The following HMCES variants were observed in gnomAD, a reference collection of about 807,000 sequenced individuals.
HMCES encodes 5-hydroxymethylcytosine binding, ES cell specific, also known as abasic site processing protein HMCES.
Under a neutral mutation model 35.1 loss-of-function variants are expected in HMCES, and 27 were observed. The observed-to-expected ratio is 0.77, with a 90% CI of 0.57 to 1.06. The LOEUF is 1.06. Among genes scored for constraint, HMCES ranks in the 50% least tolerant of loss-of-function variants. The pLI, the probability that HMCES is intolerant of heterozygous loss-of-function variation, is 0.00. For missense variants in HMCES, 391 were observed against 430.4 expected (o/e 0.91, Z 0.81); for synonymous variants, 130 against 154.7 (o/e 0.84, Z 1.18).
At chr3:129,304,177 T>C (rs2071206223) in intron 6 of HMCES, among the ~76,000 whole-genome samples, 1 of 152,210 alleles carries the variant, frequency 6.6e-6, no homozygotes, top group African/African-American at 2.4e-5. Flanking sequence ...AAGAAGAGGT[T>C]GTACAGATTG....
rs1243794893 is a variant in HMCES at position 129,303,601 on chromosome 3, G to T, written c.829-988G>T. ...TCCTAAATCTGAAATGTACCAACAAGCATTTCCTTTCAAAGTCATGTAAGC... is the reference window on the plus strand; with the variant it reads ...TCCTAAATCTGAAATGTACCAACAATCATTTCCTTTCAAAGTCATGTAAGC... On this transcript the variant is annotated intron_variant, in intron 6 of 6. Transcript: ENST00000383463. Among the ~76,000 whole-genome samples, 3 of 152,286 alleles carry T rather than the reference G, an allele frequency of 2.0e-5. No homozygotes were observed. The East Asian group carries it at 5.8e-4, about 29-fold the overall frequency.
chr3:129,283,463 C>T (rs1461493069), intron 2 of HMCES, among the ~76,000 whole-genome samples: 1 of 151,598 alleles, frequency 6.6e-6, no homozygotes, highest in Non-Finnish European at 1.5e-5. Flanking sequence ...TCCCCAGCAG[C>T]TGGGATCACA....
At chr3:129,294,359 C>G (rs1237676543) in intron 4 of HMCES, among the ~76,000 whole-genome samples, 2 of 152,056 alleles carry the variant, frequency 1.3e-5, no homozygotes, top group Non-Finnish European at 2.9e-5. Context: ...GGAGGCGGAG[C>G]TTGCAGTGAG....
Position 129,304,730 on chromosome 3 carries a change from C to T in HMCES, c.970C>T (p.Leu324Phe), listed in dbSNP as rs888546594. 30 of 1,614,184 alleles carry T rather than the reference C, an allele frequency of 1.9e-5. No individual in the cohort carries two copies. Among genetic ancestry groups the T allele is most frequent in the Non-Finnish European group, 2.5e-5 (30 of 1,180,032 alleles). ...CAGTCAGTTCCTGCAGAAGAGTCCA[C>T]TCCCCACCAAGAGAGGCACTGCAGG... Reference protein sequence around the residue: ...WSSQFLQKSPLPTKRGTAGLL... With the variant: ...WSSQFLQKSPFPTKRGTAGLL... Residue 324 changes from leucine to phenylalanine, a missense_variant, in exon 7 of 7, where the codon CTC becomes TTC. Physicochemically the swap from Leu to Phe is conservative, Grantham distance 22 (BLOSUM62 0). Coordinates refer to ENST00000383463, the MANE Select transcript of HMCES (RefSeq NM_020187.3).
chr3:129,301,210 GAAA>G (rs71972836), intron 5 of HMCES, among the ~76,000 whole-genome samples: 20 of 95,568 alleles, frequency 2.1e-4, no homozygotes, highest in Admixed American at 8.0e-4. Flanking sequence ...AAAAAAAGAA[GAAA>G]AAAAAAAAAA....
intron 4 of HMCES, among the ~76,000 whole-genome samples, chr3:129,291,117 A>G (rs1304730861): frequency 6.6e-6 from 1 of 152,092 alleles, no homozygotes; most frequent in East Asian, 1.9e-4. Flanking sequence ...TGGGAGGATC[A>G]CTTGAACCCA....
intron 6 of HMCES, among the ~76,000 whole-genome samples, chr3:129,303,839 C>T (rs1254851458): frequency 6.6e-6 from 1 of 151,994 alleles, no homozygotes; most frequent in Non-Finnish European, 1.5e-5. Flanking sequence ...AACTCCTGGG[C>T]TCAAATGATC....
intron 6 of HMCES, among the ~76,000 whole-genome samples, chr3:129,303,758 T>C (rs1224639803): frequency 6.6e-6 from 1 of 152,076 alleles, no homozygotes; most frequent in Non-Finnish European, 1.5e-5. Context: ...TTTTTCTTTT[T>C]TAGAGACAGG....
chr3:129,293,162 A>G (rs1217514746), intron 4 of HMCES, among the ~76,000 whole-genome samples: 1 of 152,158 alleles, frequency 6.6e-6, no homozygotes, highest in Non-Finnish European at 1.5e-5. Context: ...TTATTTTCTT[A>G]TGTGCTATCC....
At chr3:129,289,452 A>C (rs1347560605) in intron 3 of HMCES, among the ~76,000 whole-genome samples, 1 of 152,268 alleles carries the variant, frequency 6.6e-6, no homozygotes, top group Non-Finnish European at 1.5e-5. Context: ...AGAGCAGGAC[A>C]GAAGATATAA....
Position 129,288,867 on chromosome 3 carries a change from C to G in HMCES, c.197C>G (p.Ser66Cys), listed in dbSNP as rs1380690385. The G allele has an allele frequency of 6.4e-7, 1 of 1,561,968 alleles. No homozygotes were observed. Among genetic ancestry groups the G allele is most frequent in the Non-Finnish European group, 8.8e-7 (1 of 1,140,872 alleles). Residue 66 changes from serine to cysteine, a missense_variant, in exon 3 of 7, where the codon TCT becomes TGT. Ser to Cys is a moderately radical substitution (Grantham distance 112). Coordinates refer to ENST00000383463, the MANE Select transcript of HMCES (RefSeq NM_020187.3). ...TCTCCGTGGCAGGATGCAGACTCAT[C>G]TGAGCGTATCATTGCTCCCATGCGC... Reference protein sequence around the residue: ...RLHFEKDADSSERIIAPMRWG... With the variant: ...RLHFEKDADSCERIIAPMRWG...
At chr3:129,301,206 A>AAAAAT (rs2071163793) in intron 5 of HMCES, among the ~76,000 whole-genome samples, 1 of 124,324 alleles carries the variant, frequency 8.0e-6, no homozygotes. Context: ...AAAAAAAAAA[A>AAAAAT]GAAGAAAAAA....
intron 4 of HMCES, among the ~76,000 whole-genome samples, chr3:129,297,018 A>G (rs940155316): frequency 6.6e-6 from 1 of 152,170 alleles, no homozygotes; most frequent in Non-Finnish European, 1.5e-5. Flanking sequence ...GATGACAGGC[A>G]TGAGCCACCA....
At position 129,290,775 on chromosome 3, in the gene HMCES, A is replaced by G. The variant is rs1449444037; in HGVS notation, c.424A>G (p.Ile142Val). ...QGTNQRQPYF[I>V]YFPQIKTEKS... Reference sequence around the variant, plus strand: ...AACAAACCAGAGGCAGCCATACTTCATCTATTTTCCTCAAATCAAGACAGA... The same window carrying G: ...AACAAACCAGAGGCAGCCATACTTCGTCTATTTTCCTCAAATCAAGACAGA... Residue 142 changes from isoleucine (I) to valine (V), a missense_variant, in exon 4 of 7, where the codon ATC becomes GTC. Ile to Val is a conservative substitution (Grantham distance 29). Coordinates refer to ENST00000383463, the MANE Select transcript of HMCES (RefSeq NM_020187.3). The G allele has an allele frequency of 4.3e-6, 7 of 1,613,326 alleles. No homozygotes were observed. The highest frequency in any genetic ancestry group is 5.9e-6 in the Non-Finnish European group (7 of 1,179,412).
At chr3:129,295,020 G>A (rs752456069) in intron 4 of HMCES, among the ~76,000 whole-genome samples, 57 of 151,980 alleles carry the variant, frequency 3.8e-4, no homozygotes, top group Middle Eastern at 3.4e-3. Flanking sequence ...TTAGCCGGGC[G>A]TGGTGGCGGG....
At chr3:129,293,449 A>C (rs1022613136) in intron 4 of HMCES, among the ~76,000 whole-genome samples, 1 of 152,196 alleles carries the variant, frequency 6.6e-6, no homozygotes, top group Non-Finnish European at 1.5e-5. Context: ...GGTACAAGAC[A>C]AGATTAATTT....
At chr3:129,284,898 C>T (rs1252322320) in intron 2 of HMCES, among the ~76,000 whole-genome samples, 2 of 152,090 alleles carry the variant, frequency 1.3e-5, no homozygotes, top group Non-Finnish European at 2.9e-5. Flanking sequence ...GGCAACAGAG[C>T]GAGACTCCAT....
At chr3:129,299,309 T>C (rs1187404884) in intron 5 of HMCES, among the ~76,000 whole-genome samples, 10 of 152,220 alleles carry the variant, frequency 6.6e-5, no homozygotes, top group Admixed American at 6.5e-4. Flanking sequence ...TTTTATCTTT[T>C]GCAGTCTTAA....
intron 6 of HMCES, 83 bp downstream of exon 6, chr3:129,302,225 A>G: frequency 8.3e-7 from 1 of 1,200,546 alleles, no homozygotes; most frequent in Non-Finnish European, 1.2e-6. Context: ...GTGGCCTTTT[A>G]TGATCAGCCC....
Sources: gnomAD v4.1 joint callset for allele counts (sites outside exome capture counted in the v4.1 genomes callset) on GRCh38, gnomAD v4.1.1 for gene constraint, MANE v1.5 for transcripts, NCBI Gene and HGNC (gene_info 2026-07-23, HGNC 2026-07-21) for gene names.